The following WDR7 variants were observed in gnomAD, a reference collection of about 807,000 sequenced individuals.
WDR7 encodes WD repeat-containing protein 7.
Under a neutral mutation model 169.4 loss-of-function variants are expected in WDR7, and 46 were observed. The ratio of observed to expected loss-of-function variants is 0.27; its 90% CI spans 0.21 to 0.35. WDR7 has a LOEUF of 0.35. WDR7 is among the 10% of genes least tolerant of loss of function. The pLI is 1.00. For missense variants in WDR7, 1,534 were observed against 1,859.3 expected (o/e 0.83, Z 3.22); for synonymous variants, 612 against 666.8 (o/e 0.92, Z 1.27).
intron 12 of WDR7, among the ~76,000 whole-genome samples, chr18:56,703,956 A>G (rs895961642): frequency 6.6e-6 from 1 of 152,146 alleles, no homozygotes; most frequent in Admixed American, 6.5e-5. Flanking sequence ...TTGAACAGGT[A>G]TTGTCAAATT....
intron 2 of WDR7, among the ~76,000 whole-genome samples, chr18:56,676,563 G>A (rs755927039): frequency 1.3e-5 from 2 of 151,950 alleles, no homozygotes; most frequent in Non-Finnish European, 2.9e-5. Flanking sequence ...TTTTTGGTTT[G>A]AGATTACCAT....
chr18:56,653,104 A>G (rs1010998659), intron 1 of WDR7, among the ~76,000 whole-genome samples: 1 of 152,084 alleles, frequency 6.6e-6, no homozygotes, highest in Admixed American at 6.6e-5. Flanking sequence ...TATTAGATGT[A>G]TGAGTCCTTA....
intron 25 of WDR7, among the ~76,000 whole-genome samples, chr18:56,950,691 C>T (rs2047169105): frequency 6.6e-6 from 1 of 152,184 alleles, no homozygotes; most frequent in Admixed American, 6.5e-5. Context: ...AAAACTAAGG[C>T]TACGTTTCCT....
intron 20 of WDR7, among the ~76,000 whole-genome samples, chr18:56,827,139 T>C (rs1208901075): frequency 6.6e-6 from 1 of 152,068 alleles, no homozygotes; most frequent in East Asian, 1.9e-4. Context: ...TTAGAAATAA[T>C]TAGCTGTGGA....
At chr18:56,831,224 T>G (rs558887266) in intron 20 of WDR7, among the ~76,000 whole-genome samples, 8 of 151,874 alleles carry the variant, frequency 5.3e-5, no homozygotes, top group African/African-American at 1.9e-4. Flanking sequence ...GTACAGCCAT[T>G]TGGGAGGAAG....
chr18:56,868,840 T>TA (rs2045915818), intron 20 of WDR7, among the ~76,000 whole-genome samples: 1 of 152,152 alleles, frequency 6.6e-6, no homozygotes, highest in South Asian at 2.1e-4. Context: ...GCAAAAAAGT[T>TA]AGACGTTTTT....
intron 19 of WDR7, among the ~76,000 whole-genome samples, chr18:56,793,174 C>T (rs141284296): frequency 3.3e-5 from 5 of 152,260 alleles, no homozygotes; most frequent in Admixed American, 6.5e-5. Flanking sequence ...ACCCTGAATG[C>T]GCCTGATCTT....
At chr18:56,762,899 T>TC (rs1056910391) in intron 16 of WDR7, among the ~76,000 whole-genome samples, 3 of 33,874 alleles carry the variant, frequency 8.9e-5, no homozygotes, top group African/African-American at 2.1e-4. Context: ...TAGTAAGAAT[T>TC]TTTTTTTTTT....
chr18:56,954,096 C>A (rs142590212), intron 25 of WDR7, among the ~76,000 whole-genome samples: 1 of 152,106 alleles, frequency 6.6e-6, no homozygotes, highest in Non-Finnish European at 1.5e-5. Context: ...CTTTAAAGGA[C>A]TTGGGATATA....
rs547026992 is a variant in WDR7 at position 56,988,899 on chromosome 18, G to C, written c.4164+26370G>C. On this transcript the variant is annotated intron_variant, in intron 26 of 27. Transcript: ENST00000254442. Reference sequence around the variant, plus strand: ...AGTTTTGTAGCCTTGTTTTTGTTCCGGTTTCTTGTAAATTGATTATATTTC... The same window carrying C: ...AGTTTTGTAGCCTTGTTTTTGTTCCCGTTTCTTGTAAATTGATTATATTTC... 1.5e-4 allele frequency among the ~76,000 whole-genome samples: 23 copies of C among 151,826 alleles called. No homozygotes were observed. In the East Asian group the frequency reaches 2.7e-3, roughly 18 times the overall value.
intron 26 of WDR7, among the ~76,000 whole-genome samples, chr18:56,986,281 T>C (rs777321761): frequency 1.3e-5 from 2 of 151,992 alleles, no homozygotes; most frequent in Non-Finnish European, 1.5e-5. Context: ...GCTCACCACT[T>C]TAAGATGTTT....
chr18:56,695,658 C>G (rs1019918603), intron 11 of WDR7, among the ~76,000 whole-genome samples: 5 of 151,972 alleles, frequency 3.3e-5, no homozygotes, highest in African/African-American at 9.7e-5. Flanking sequence ...CTGCACAGCC[C>G]CCCAAGTAGC....
intron 2 of WDR7, among the ~76,000 whole-genome samples, chr18:56,673,671 T>C (rs534023558): frequency 6.6e-6 from 1 of 151,952 alleles, no homozygotes; most frequent in Admixed American, 6.6e-5. Flanking sequence ...CCATCTCTAC[T>C]GAAAATACAA....
chr18:56,936,080 C>T lies in WDR7; in HGVS notation c.3831+175C>T, dbSNP rs138776571. On this transcript the variant is annotated intron_variant, in intron 23 of 27. Transcript: ENST00000254442. The stretch of plus-strand genomic sequence containing the variant: ...CTGTGTGCATGTACACTGAATTCCA[C>T]GGTGTGGTGCATTCATTACTTCTGC... The T allele has an allele frequency of 7.6e-3, 4,198 of 553,956 alleles. 16 individuals are homozygous for T. The highest frequency in any genetic ancestry group is 0.01 in the Non-Finnish European group (3,320 of 322,232). 34.3% of individuals were successfully genotyped at this position (553,956 alleles called of 1,614,324 possible).
At chr18:56,714,845 T>C (rs2026158949) in intron 12 of WDR7, among the ~76,000 whole-genome samples, 1 of 152,236 alleles carries the variant, frequency 6.6e-6, no homozygotes, top group South Asian at 2.1e-4. Flanking sequence ...GAATGTGTCA[T>C]GTAGAAATGA....
intron 4 of WDR7, among the ~76,000 whole-genome samples, 176 bp from the exon 5 acceptor site, chr18:56,682,503 A>ATG (rs1293684648): frequency 6.6e-6 from 1 of 152,236 alleles, no homozygotes; most frequent in Non-Finnish European, 1.5e-5. Context: ...AACTTAATAT[A>ATG]TGTGTGTGCA....
At chr18:56,766,827 C>T (rs2044075912) in intron 16 of WDR7, among the ~76,000 whole-genome samples, 2 of 152,174 alleles carry the variant, frequency 1.3e-5, no homozygotes, top group Non-Finnish European at 2.9e-5. Context: ...AATGTTTTAA[C>T]ACCCTTCACT....
intron 19 of WDR7, among the ~76,000 whole-genome samples, chr18:56,803,375 C>T (rs1402179509): frequency 2.0e-5 from 3 of 152,002 alleles, no homozygotes; most frequent in Admixed American, 6.6e-5. Context: ...GAGTCAAAAG[C>T]GTTCCTATTT....
Position 56,731,505 on chromosome 18 carries a change from A to G in WDR7, c.1897A>G (p.Thr633Ala), listed in dbSNP as rs775289840. ...HPAVNLKQAMTRRSLAALKNM... is the reference protein window; with the variant it reads ...HPAVNLKQAMARRSLAALKNM... ...AGCAGTCAACCTAAAACAAGCTATGACGAGACGTAGTCTTGCTGCTCTTAA... is the reference window on the plus strand; with the variant it reads ...AGCAGTCAACCTAAAACAAGCTATGGCGAGACGTAGTCTTGCTGCTCTTAA... Residue 633 changes from threonine (T) to alanine (A), a missense_variant, in exon 14 of 28, where the codon ACG becomes GCG. Physicochemically the swap from Thr to Ala is moderately conservative, Grantham distance 58. Transcript: ENST00000254442. 6.2e-7 allele frequency: 1 copy of G among 1,614,032 alleles called. No homozygotes were observed. Among genetic ancestry groups the G allele is most frequent in the African/African-American group, 1.3e-5 (1 of 74,912 alleles).
Sources: gnomAD v4.1 joint callset for allele counts (sites outside exome capture counted in the v4.1 genomes callset) on GRCh38, gnomAD v4.1.1 for gene constraint, MANE v1.5 for transcripts, NCBI Gene and HGNC (gene_info 2026-07-23, HGNC 2026-07-21) for gene names.